CCBE1: variants seen among roughly 807,000 people sequenced by gnomAD.
CCBE1 encodes collagen and calcium binding EGF domains 1.
A neutral mutation model predicts 50.0 loss-of-function variants in CCBE1; 37 were observed. That is an observed-to-expected ratio of 0.74 (90% confidence interval 0.57 to 0.97). The LOEUF (loss-of-function observed/expected upper bound fraction) is 0.97. Ranked by LOEUF, CCBE1 falls within the 50% of genes least tolerant of loss-of-function variation. The pLI, the probability that CCBE1 is intolerant of heterozygous loss-of-function variation, is 0.00. For synonymous variants in CCBE1, 234 were observed against 203.7 expected (o/e 1.15, Z -1.27); for missense variants, 538 against 523.8 (o/e 1.03, Z -0.26).
At chr18:59,472,612 G>A (rs139901686) in intron 3 of CCBE1, among the ~76,000 whole-genome samples, 1 of 152,274 alleles carries the variant, frequency 6.6e-6, no homozygotes, top group Non-Finnish European at 1.5e-5. Context: ...GCCTCCCAAA[G>A]CGCTGGGATT....
chr18:59,488,158 G>A (rs937269838), intron 2 of CCBE1, among the ~76,000 whole-genome samples: 1 of 152,212 alleles, frequency 6.6e-6, no homozygotes, highest in Admixed American at 6.5e-5. Context: ...GAGACAGAAA[G>A]TGGAAGCGTG....
At chr18:59,658,664 A>G (rs9953679) in intron 2 of CCBE1, among the ~76,000 whole-genome samples, 68,548 of 150,046 alleles carry the variant, frequency 0.46, 17,617 homozygotes, top group African/African-American at 0.7. Flanking sequence ...GGCAGATCAC[A>G]AGGTCAAGAG....
intron 3 of CCBE1, among the ~76,000 whole-genome samples, chr18:59,478,473 T>C (rs1912416152): frequency 6.6e-6 from 1 of 152,242 alleles, no homozygotes; most frequent in African/African-American, 2.4e-5. Context: ...AAAAGTGTTC[T>C]AGCAAAAAGC....
chr18:59,458,118 A>G lies in CCBE1; in HGVS notation c.554-3167T>C, dbSNP rs1178791039. ...ATACCATCATCAATCTAGTCTGTCC[A>G]TCAATCCATCCATCCATCCATCCAT... On this transcript the variant is annotated intron_variant, in intron 5 of 10. Transcript: ENST00000439986. Among the ~76,000 whole-genome samples, 8 of 52,020 alleles carry G rather than the reference A, an allele frequency of 1.5e-4. No individual in the cohort carries two copies. The East Asian group carries it at 2.6e-3, about 17-fold the overall frequency. The allele number at this position is 52,020 out of a possible 152,430, so 34.1% of individuals were successfully genotyped here. A position where few individuals can be genotyped will look rare whatever the true frequency, so the allele number is the denominator to read the frequency against.
chr18:59,604,828 T>C (rs1344856097), intron 2 of CCBE1, among the ~76,000 whole-genome samples: 1 of 152,250 alleles, frequency 6.6e-6, no homozygotes, highest in African/African-American at 2.4e-5. Context: ...AATAAACAAA[T>C]GCCAAGTCTC....
intron 3 of CCBE1, among the ~76,000 whole-genome samples, chr18:59,475,792 A>C (rs1912279164): frequency 2.0e-5 from 3 of 152,120 alleles, no homozygotes; most frequent in African/African-American, 7.2e-5. Context: ...ATTTCGGCTC[A>C]CTGCAACCTC....
At chr18:59,498,874 C>T (rs556314762) in intron 2 of CCBE1, among the ~76,000 whole-genome samples, 3 of 152,316 alleles carry the variant, frequency 2.0e-5, no homozygotes, top group African/African-American at 7.2e-5. Flanking sequence ...TGACCCACCT[C>T]CCTCAGATCT....
intron 9 of CCBE1, 24 bp downstream of exon 9, chr18:59,439,519 G>C: frequency 6.2e-7 from 1 of 1,613,792 alleles, no homozygotes. Flanking sequence ...CCTTTAGCTT[G>C]TGAGGACCAC....
chr18:59,671,829 G>A (rs2054436680), intron 2 of CCBE1, among the ~76,000 whole-genome samples: 1 of 148,572 alleles, frequency 6.7e-6, no homozygotes, highest in Non-Finnish European at 1.5e-5. Context: ...AAAGGGGGGG[G>A]GTAGTCAGTA....
chr18:59,503,475 C>CAA (rs984626205), intron 2 of CCBE1, among the ~76,000 whole-genome samples: 1 of 152,180 alleles, frequency 6.6e-6, no homozygotes, highest in African/African-American at 2.4e-5. Context: ...TGCCTTACTC[C>CAA]AAGCCTGGGT....
intron 2 of CCBE1, among the ~76,000 whole-genome samples, chr18:59,645,291 A>C (rs1174843608): frequency 1.3e-5 from 2 of 152,232 alleles, no homozygotes; most frequent in Admixed American, 1.3e-4. Flanking sequence ...AGGGATCCTA[A>C]GAATATCACA....
intron 2 of CCBE1, among the ~76,000 whole-genome samples, chr18:59,659,493 G>A (rs1200537825): frequency 6.6e-6 from 1 of 152,168 alleles, no homozygotes; most frequent in Non-Finnish European, 1.5e-5. Context: ...AGAGCTCTGA[G>A]AAGTGATTTG....
intron 2 of CCBE1, among the ~76,000 whole-genome samples, chr18:59,586,586 C>T (rs1180532167): frequency 6.6e-6 from 1 of 152,148 alleles, no homozygotes; most frequent in Non-Finnish European, 1.5e-5. Flanking sequence ...ATGTAATACT[C>T]TCCTACGGCC....
intron 2 of CCBE1, among the ~76,000 whole-genome samples, chr18:59,622,685 C>A (rs1267279894): frequency 6.6e-6 from 1 of 151,206 alleles, no homozygotes; most frequent in Non-Finnish European, 1.5e-5. Flanking sequence ...CCTATAATCC[C>A]AGCTACTTAG....
At chr18:59,593,955 C>T (rs2053312725) in intron 2 of CCBE1, among the ~76,000 whole-genome samples, 2 of 152,200 alleles carry the variant, frequency 1.3e-5, no homozygotes, top group Non-Finnish European at 2.9e-5. Flanking sequence ...CATATTCTTT[C>T]TTACCTTGTG....
intron 2 of CCBE1, among the ~76,000 whole-genome samples, chr18:59,667,631 G>A (rs943867343): frequency 4.6e-5 from 7 of 152,176 alleles, no homozygotes; most frequent in Admixed American, 3.9e-4. Flanking sequence ...AGAAAGTTGA[G>A]GAGGAAATAC....
At chr18:59,448,811 G>A (rs1238330684) in intron 6 of CCBE1, among the ~76,000 whole-genome samples, 4 of 152,162 alleles carry the variant, frequency 2.6e-5, no homozygotes, top group Admixed American at 2.6e-4. Flanking sequence ...AAAATCTTGT[G>A]CAATCTGAAA....
intron 2 of CCBE1, among the ~76,000 whole-genome samples, chr18:59,647,014 A>G (rs1349711632): frequency 2.0e-5 from 3 of 152,232 alleles, no homozygotes; most frequent in Non-Finnish European, 1.5e-5. Flanking sequence ...TAAGGATGGG[A>G]ACCTAAATTC....
Position 59,439,578 on chromosome 18 carries a change from C to A in CCBE1, c.916G>T (p.Gly306Cys). Residue 306 changes from glycine (G) to cysteine (C), a missense_variant and splice_region_variant, in exon 9 of 11, where the codon GGT becomes TGT. By Grantham distance (159) the Gly-to-Cys change is radical. Transcript: ENST00000439986. The part of the protein sequence containing the change: ...HIKQGRRGPV[G>C]PPGAPGRDGS... ...TCTCTTCCTGGTGCCCCTGGTGGAC[C>A]CTGTAATACAAAAGGATCTGGTTTA... 1 of 1,614,242 alleles carries A rather than the reference C, an allele frequency of 6.2e-7. No homozygotes were observed. The highest frequency in any genetic ancestry group is 8.5e-7 in the Non-Finnish European group (1 of 1,180,042).
Sources: gnomAD v4.1 joint callset for allele counts (sites outside exome capture counted in the v4.1 genomes callset) on GRCh38, gnomAD v4.1.1 for gene constraint, MANE v1.5 for transcripts, NCBI Gene and HGNC (gene_info 2026-07-23, HGNC 2026-07-21) for gene names.